AFAP1: variants seen among roughly 807,000 people sequenced by gnomAD.
AFAP1 encodes actin filament-associated protein 1.
AFAP1 carries 75 observed loss-of-function variants against 93.9 expected under a neutral mutation model. The ratio of observed to expected loss-of-function variants is 0.80; its 90% confidence interval spans 0.66 to 0.97. AFAP1 has a LOEUF of 0.97. Ranked by LOEUF, AFAP1 falls within the 50% of genes least tolerant of loss-of-function variation. The pLI is 0.00. For synonymous variants in AFAP1, 517 were observed against 430.7 expected (o/e 1.20, Z -2.48); for missense variants, 1,201 against 1,050.8 (o/e 1.14, Z -1.98).
At chr4:7,808,424 C>A (rs763120521) in intron 9 of AFAP1, among the ~76,000 whole-genome samples, 8 of 151,896 alleles carry the variant, frequency 5.3e-5, no homozygotes, top group Non-Finnish European at 8.8e-5. Flanking sequence ...TCTGTGGTAA[C>A]TGGGCTTGTA....
chr4:7,918,965 T>TCGGCCCAGG (rs1560236333), intron 1 of AFAP1, among the ~76,000 whole-genome samples: 60 of 31,034 alleles, frequency 1.9e-3, no homozygotes, highest in African/African-American at 5.7e-3. Flanking sequence ...AACAGGGCTG[T>TCGGCCCAGG]TGGAAGAGAC....
rs1005379415 is a variant in AFAP1 at position 7,924,125 on chromosome 4, T to C, written c.-3+15531A>G. Among the ~76,000 whole-genome samples, 3 of 152,356 alleles carry C rather than the reference T, an allele frequency of 2.0e-5. No homozygotes were observed. The South Asian group carries it at 6.2e-4, about 32-fold the overall frequency. On this transcript the variant is annotated intron_variant, in intron 1 of 17. Transcript: ENST00000420658. ...CATTTTAGGCCCACATTTAGTTGTC[T>C]TTCAATGACATTGTGGCAGAAAGAA...
intron 17 of AFAP1, among the ~76,000 whole-genome samples, chr4:7,766,558 CACGGGAGGGAAACAGA>C (rs1231574095): frequency 1.2e-4 from 14 of 116,070 alleles, no homozygotes; most frequent in African/African-American, 4.6e-4. Context: ...GTGACTGTGT[CACGGGAGGGAAACAGA>C]ATCTCCAGGT....
At chr4:7,906,463 C>G (rs147828391) in intron 1 of AFAP1, among the ~76,000 whole-genome samples, 4 of 152,154 alleles carry the variant, frequency 2.6e-5, no homozygotes, top group Admixed American at 2.6e-4. Flanking sequence ...TTTCCACCCC[C>G]CTATTCCGGA....
intron 9 of AFAP1, 41 bp downstream of exon 9, chr4:7,809,573 C>G (rs1719828504): frequency 1.1e-5 from 18 of 1,589,950 alleles, no homozygotes; most frequent in Non-Finnish European, 1.5e-5. Flanking sequence ...ATGAAACCCA[C>G]TTAGGTGCAC....
At chr4:7,859,920 C>T (rs28552075) in intron 3 of AFAP1, among the ~76,000 whole-genome samples, 58,172 of 151,922 alleles carry the variant, frequency 0.38, 12,310 homozygotes, top group East Asian at 0.64. Flanking sequence ...GGTGGGAGGA[C>T]TGCTTAAAGC....
intron 1 of AFAP1, among the ~76,000 whole-genome samples, chr4:7,911,564 A>G (rs1200886131): frequency 6.6e-6 from 1 of 152,218 alleles, no homozygotes; most frequent in Non-Finnish European, 1.5e-5. Flanking sequence ...CGCTCCTCCC[A>G]GCAGCCTTGC....
intron 6 of AFAP1, among the ~76,000 whole-genome samples, chr4:7,822,839 C>T (rs1157087160): frequency 1.3e-5 from 2 of 150,622 alleles, no homozygotes; most frequent in East Asian, 1.9e-4. Flanking sequence ...GTGATCCGCC[C>T]GCATCGGCCT....
chr4:7,784,942 G>C (rs1469701803), intron 12 of AFAP1, among the ~76,000 whole-genome samples: 12 of 152,116 alleles, frequency 7.9e-5, no homozygotes. Flanking sequence ...TAAGAAAAAA[G>C]TCTGAAATAC....
At chr4:7,918,875 G>A (rs986677882) in intron 1 of AFAP1, among the ~76,000 whole-genome samples, 6 of 147,474 alleles carry the variant, frequency 4.1e-5, no homozygotes, top group Non-Finnish European at 6.0e-5. Context: ...CCAGGAAACA[G>A]GGCTGCCGGA....
At chr4:7,799,958 A>G (rs1718865537) in intron 10 of AFAP1, among the ~76,000 whole-genome samples, 1 of 152,230 alleles carries the variant, frequency 6.6e-6, no homozygotes, top group African/African-American at 2.4e-5. Context: ...GCCGCCGTCT[A>G]TAAGGCATTC....
intron 1 of AFAP1, among the ~76,000 whole-genome samples, chr4:7,908,410 A>G (rs972981378): frequency 4.6e-5 from 7 of 152,154 alleles, no homozygotes; most frequent in African/African-American, 1.7e-4. Flanking sequence ...TCTGTCCCCA[A>G]TGTCTAGCCT....
chr4:7,856,834 G>A (rs546487062), intron 3 of AFAP1, among the ~76,000 whole-genome samples: 85 of 152,302 alleles, frequency 5.6e-4, no homozygotes, highest in Non-Finnish European at 7.1e-4. Context: ...CCCAGCATCT[G>A]CAATCTGCCC....
At chr4:7,765,042 G>A (rs1714362889) in intron 17 of AFAP1, among the ~76,000 whole-genome samples, 2 of 152,202 alleles carry the variant, frequency 1.3e-5, no homozygotes, top group Admixed American at 6.5e-5. Flanking sequence ...GGAGTTTGAG[G>A]CTGCAGTAAG....
At chr4:7,765,407 T>G (rs1714412976) in intron 17 of AFAP1, among the ~76,000 whole-genome samples, 1 of 152,218 alleles carries the variant, frequency 6.6e-6, no homozygotes, top group Non-Finnish European at 1.5e-5. Context: ...CCATCTTCTG[T>G]GCAGTTTTTG....
intron 1 of AFAP1, among the ~76,000 whole-genome samples, chr4:7,885,070 T>C (rs368833006): frequency 6.6e-6 from 1 of 152,204 alleles, no homozygotes; most frequent in South Asian, 2.1e-4. Context: ...CATCGCTCTC[T>C]AGATTTCAGG....
chr4:7,793,543 G>T, intron 11 of AFAP1, 138 bp downstream of exon 11: 1 of 957,680 alleles, frequency 1.0e-6, no homozygotes, highest in Non-Finnish European at 1.4e-6. Flanking sequence ...TGCAAAATTT[G>T]GCTTAAGATA....
intron 5 of AFAP1, among the ~76,000 whole-genome samples, chr4:7,841,058 G>A (rs550034959): frequency 6.6e-6 from 1 of 152,298 alleles, no homozygotes; most frequent in African/African-American, 2.4e-5. Flanking sequence ...TCAGCAATAG[G>A]GACAGGCTGC....
At chr4:7,864,573 C>T (rs1716198197) in intron 3 of AFAP1, among the ~76,000 whole-genome samples, 1 of 152,184 alleles carries the variant, frequency 6.6e-6, no homozygotes, top group Non-Finnish European at 1.5e-5. Flanking sequence ...GTTCTCTATT[C>T]CCTCTGTAAA....
Sources: gnomAD v4.1 joint callset for allele counts (sites outside exome capture counted in the v4.1 genomes callset) on GRCh38, gnomAD v4.1.1 for gene constraint, MANE v1.5 for transcripts, NCBI Gene and HGNC (gene_info 2026-07-23, HGNC 2026-07-21) for gene names.